SETD2: variants seen among roughly 807,000 people sequenced by gnomAD.
SETD2 encodes SET domain containing 2, histone lysine methyltransferase, also known as histone-lysine N-methyltransferase SETD2.
In SETD2, 31 loss-of-function variants were observed where a neutral mutation model predicts 242.1. The ratio of observed to expected loss-of-function variants is 0.13; its 90% CI spans 0.10 to 0.17. SETD2 has a LOEUF of 0.17. SETD2 is among the 10% of genes least tolerant of loss of function. The pLI is 1.00. For synonymous variants in SETD2, 1,006 were observed against 1,066.5 expected, an observed-to-expected ratio of 0.94 and a Z score of 1.11; for missense variants, 2,481 against 3,046.3, an observed-to-expected ratio of 0.81 and a Z score of 4.37.
At chr3:47,097,098 ATAGTTCT>A (rs2042039856) in intron 9 of SETD2, among the ~76,000 whole-genome samples, 1 of 152,198 alleles carries the variant, frequency 6.6e-6, no homozygotes, top group Non-Finnish European at 1.5e-5. Flanking sequence ...GCTGTCATCT[ATAGTTCT>A]TATGAGTATT....
At chr3:47,162,967 A>C (rs1482338567) in intron 1 of SETD2, among the ~76,000 whole-genome samples, 1 of 152,206 alleles carries the variant, frequency 6.6e-6, no homozygotes, top group South Asian at 2.1e-4. Context: ...TTTCCACAAC[A>C]TTGTCTTCTT....
At chr3:47,131,924 C>T (rs960823324) in intron 1 of SETD2, among the ~76,000 whole-genome samples, 4 of 151,050 alleles carry the variant, frequency 2.6e-5, no homozygotes, top group African/African-American at 4.9e-5. Context: ...ACTACAGGCG[C>T]GAGCCACCGT....
At chr3:47,073,522 G>C (rs1402466360) in intron 12 of SETD2, among the ~76,000 whole-genome samples, 1 of 152,102 alleles carries the variant, frequency 6.6e-6, no homozygotes, top group African/African-American at 2.4e-5. Flanking sequence ...TCACATACAT[G>C]GGTGGGAAAG....
chr3:47,090,137 A>G (rs558256286), intron 9 of SETD2, among the ~76,000 whole-genome samples: 1 of 151,976 alleles, frequency 6.6e-6, no homozygotes, highest in Admixed American at 6.6e-5. Flanking sequence ...AGTACCAGCT[A>G]TCGGGAGGCT....
At chr3:47,157,937 A>C (rs1044561701) in intron 1 of SETD2, among the ~76,000 whole-genome samples, 6 of 152,126 alleles carry the variant, frequency 3.9e-5, no homozygotes, top group Non-Finnish European at 7.3e-5. Context: ...AATTCTCATA[A>C]AACCCTTTGC....
At position 47,122,499 on chromosome 3, in the gene SETD2, C is replaced by T. The variant is rs1478213869; in HGVS notation, c.2137G>A (p.Ala713Thr). 6.2e-7 allele frequency: 1 copy of T among 1,614,006 alleles called. No individual in the cohort carries two copies. The highest frequency in any genetic ancestry group is 8.5e-7 in the Non-Finnish European group (1 of 1,180,016). ...TGSELSPLVK[A>T]CMLSSNGFQN... The stretch of plus-strand genomic sequence containing the variant: ...AATCCATTTGATGAAAGCATGCATG[C>T]TTTGACCAAAGGGGATAATTCCGAT... The change falls in exon 3 of 21, where the codon GCA becomes ACA. Residue 713 changes from alanine to threonine, a missense_variant. Physicochemically the swap from Ala to Thr is moderately conservative, Grantham distance 58. Around this residue, in one of 17 missense-constraint regions of SETD2, gnomAD observed 1,300 missense variants for 1,259.2 expected, o/e 1.03. Coordinates refer to ENST00000409792, the MANE Select transcript of SETD2 (RefSeq NM_014159.7).
chr3:47,143,811 T>A (rs1403990956), intron 1 of SETD2, among the ~76,000 whole-genome samples: 1 of 151,922 alleles, frequency 6.6e-6, no homozygotes, highest in Non-Finnish European at 1.5e-5. Flanking sequence ...CCCGGGTTCA[T>A]GCCATTCTCC....
chr3:47,153,094 A>C (rs982834047), intron 1 of SETD2, among the ~76,000 whole-genome samples: 3 of 152,082 alleles, frequency 2.0e-5, no homozygotes, highest in African/African-American at 7.2e-5. Flanking sequence ...CTGAGGCAGG[A>C]GGATCACTTG....
Position 47,057,567 on chromosome 3 carries a change from C to T in SETD2, c.6294-77G>A, listed in dbSNP as rs368783053. On this transcript the variant is annotated intron_variant, in intron 14 of 20. Coordinates refer to ENST00000409792, the MANE Select transcript of SETD2 (RefSeq NM_014159.7). ...ATCAAAGCACTAATAAGTATTATGT[C>T]ACTCATGACTAAACCACTAACCACA... The T allele has an allele frequency of 1.2e-5, 13 of 1,061,348 alleles. No individual in the cohort carries two copies. In the East Asian group the frequency reaches 2.0e-4, roughly 16 times the overall value. 65.7% of individuals were successfully genotyped at this position (1,061,348 alleles called of 1,614,324 possible).
chr3:47,095,693 G>C (rs1423142289), intron 9 of SETD2, among the ~76,000 whole-genome samples: 1 of 149,484 alleles, frequency 6.7e-6, no homozygotes, highest in African/African-American at 2.5e-5. Context: ...GAAATTAATA[G>C]CAAAAATTGG....
At position 47,057,333 on chromosome 3, in the gene SETD2, G is replaced by A. The variant is rs1559673216; in HGVS notation, c.6451C>T (p.Pro2151Ser). The A allele has an allele frequency of 6.2e-7, 1 of 1,614,186 alleles. No homozygotes were observed. The change falls in exon 15 of 21, where the codon CCC becomes TCC. Residue 2151 changes from proline (P) to serine (S), a missense_variant. By Grantham distance (74) the Pro-to-Ser change is moderately conservative. Transcript: ENST00000409792. Reference protein sequence around the residue: ...MQNLGMTSPLPYDSLGYNAPH... With the variant: ...MQNLGMTSPLSYDSLGYNAPH... The stretch of plus-strand genomic sequence containing the variant: ...GCATTATAACCAAGAGAGTCATAGG[G>A]CAGTGGTGATGTCATTCCCAGGTTC...
rs2107719553 is a variant in SETD2 at position 47,113,956 on chromosome 3, C to A, written c.4635G>T (p.Gln1545His). 6.2e-7 allele frequency: 1 copy of A among 1,613,368 alleles called. No individual in the cohort carries two copies. The highest frequency in any genetic ancestry group is 2.2e-5 in the East Asian group (1 of 44,840). The change falls in exon 5 of 21, where the codon CAG becomes CAT. Residue 1545 changes from glutamine to histidine, a missense_variant. This residue lies in a region of SETD2 where 61 missense variants were observed against 221.4 expected (regional missense o/e 0.28). Transcript: ENST00000409792. Reference sequence around the variant, plus strand: ...CTTCCACATCTGCATGCTGTTTTCTCTGAAACCGTCTATTGGAACAATAAT... The same window carrying A: ...CTTCCACATCTGCATGCTGTTTTCTATGAAACCGTCTATTGGAACAATAAT... Reference protein sequence around the residue: ...NGDYCSNRRFQRKQHADVEVI... With the variant: ...NGDYCSNRRFHRKQHADVEVI...
chr3:47,037,871 T>C (rs2039088666), intron 17 of SETD2, 94 bp from the exon 18 acceptor site: 2 of 866,860 alleles, frequency 2.3e-6, no homozygotes, highest in Admixed American at 1.9e-5. Flanking sequence ...AAATACAACA[T>C]ACAATAAGAC....
intron 18 of SETD2, among the ~76,000 whole-genome samples, chr3:47,036,107 T>C (rs1202803481): frequency 6.6e-6 from 1 of 152,256 alleles, no homozygotes; most frequent in Non-Finnish European, 1.5e-5. Context: ...TCATTTCTAC[T>C]TTAATCCCTT....
intron 5 of SETD2, among the ~76,000 whole-genome samples, chr3:47,107,937 A>G (rs2042501377): frequency 6.6e-6 from 1 of 152,024 alleles, no homozygotes; most frequent in African/African-American, 2.4e-5. Flanking sequence ...CTACAATCAC[A>G]TTACTGCACT....
chr3:47,043,995 T>C (rs2039401617), intron 16 of SETD2, among the ~76,000 whole-genome samples: 1 of 152,178 alleles, frequency 6.6e-6, no homozygotes, highest in Non-Finnish European at 1.5e-5. Flanking sequence ...TCTCTCTTAT[T>C]TGAAAGATCA....
intron 6 of SETD2, 113 bp from the exon 7 acceptor site, chr3:47,103,536 C>G (rs192973455): frequency 3.9e-5 from 31 of 785,228 alleles, no homozygotes; most frequent in Non-Finnish European, 5.9e-5. Flanking sequence ...GATTGTGCTG[C>G]GAAACCTAAC....
chr3:47,102,528 C>T (rs1046000008), intron 7 of SETD2, among the ~76,000 whole-genome samples: 1 of 152,196 alleles, frequency 6.6e-6, no homozygotes, highest in Non-Finnish European at 1.5e-5. Flanking sequence ...CGGAGGCTCA[C>T]GCCTATAATC....
In SETD2 at chr3:47,053,046, T is replaced by C. The variant is rs1405119421; in HGVS notation, c.6963+3775A>G. Among the ~76,000 whole-genome samples, 3 of 151,886 alleles carry C rather than the reference T, an allele frequency of 2.0e-5. No individual in the cohort carries two copies. The South Asian group carries it at 6.2e-4, about 32-fold the overall frequency. ...CTGGTATTACAGGCACCCACCATCATGCCCAGCTAATTTTTGTATTTTTGT... is the reference window on the plus strand; with the variant it reads ...CTGGTATTACAGGCACCCACCATCACGCCCAGCTAATTTTTGTATTTTTGT... On this transcript the variant is annotated intron_variant, in intron 15 of 20. Transcript: ENST00000409792.
Sources: allele counts gnomAD v4.1 joint callset (sites outside exome capture counted in the v4.1 genomes callset), GRCh38; gene constraint gnomAD v4.1.1; regional missense constraint gnomAD v4.1.1; transcripts MANE v1.5; gene names NCBI Gene and HGNC (gene_info 2026-07-23, HGNC 2026-07-21).